The following PECAM1 variants were observed in gnomAD, a reference collection of about 807,000 sequenced individuals.
PECAM1 encodes platelet endothelial cell adhesion molecule.
In PECAM1, 8 loss-of-function variants were observed where a neutral mutation model predicts 13.8. That is an observed-to-expected ratio of 0.58 (90% CI 0.34 to 1.05). The LOEUF (loss-of-function observed/expected upper bound fraction) is 1.05, where lower values mean the gene tolerates loss of function less well. PECAM1 is among the 50% of genes least tolerant of loss of function. The pLI is 0.03. For synonymous variants in PECAM1, 136 were observed against 52.6 expected (o/e 2.58, Z -6.86); for missense variants, 304 against 141.2 (o/e 2.15, Z -5.84).
chr17:64,362,563 A>G (rs2036008131), intron 6 of PECAM1, among the ~76,000 whole-genome samples: 1 of 152,048 alleles, frequency 6.6e-6, no homozygotes, highest in Admixed American at 6.6e-5. Context: ...GAGGCAGGAG[A>G]ATGGCGTGAA....
intron 2 of PECAM1, among the ~76,000 whole-genome samples, chr17:64,381,961 G>C (rs2036491012): frequency 6.6e-6 from 1 of 152,114 alleles, no homozygotes; most frequent in Non-Finnish European, 1.5e-5. Context: ...TTAGCCGGGT[G>C]TGGTGGTGGG....
intron 2 of PECAM1, among the ~76,000 whole-genome samples, chr17:64,384,547 G>A (rs1274214513): frequency 6.6e-6 from 1 of 152,202 alleles, no homozygotes; most frequent in African/African-American, 2.4e-5. Context: ...TCATTCTGGG[G>A]AATGCCAGCA....
chr17:64,366,313 G>C (rs2036104010), intron 5 of PECAM1, among the ~76,000 whole-genome samples: 1 of 151,960 alleles, frequency 6.6e-6, no homozygotes, highest in African/African-American at 2.4e-5. Context: ...TCATTAAAAA[G>C]TCAGGAAACA....
chr17:64,377,627 A>AGGAAGGAAGGAAGGGAGGAAGGAG, intron 3 of PECAM1, 197 bp downstream of exon 3: 1 of 384,394 alleles, frequency 2.6e-6, no homozygotes, highest in Non-Finnish European at 4.6e-6. Flanking sequence ...AAAGGAAGGA[A>AGGAAGGAAGGAAGGGAGGAAGGAG]GGAAGGAAGG....
chr17:64,387,644 T>A (rs1282790364), intron 2 of PECAM1, among the ~76,000 whole-genome samples: 1 of 152,076 alleles, frequency 6.6e-6, no homozygotes, highest in East Asian at 1.9e-4. Flanking sequence ...GGTGCATGTG[T>A]CCTCCGAGGC....
intron 14 of PECAM1, among the ~76,000 whole-genome samples, chr17:64,336,917 A>T (rs2035293878): frequency 6.6e-6 from 1 of 151,902 alleles, no homozygotes; most frequent in African/African-American, 2.4e-5. Context: ...AGAGAGAAAG[A>T]TAGAAAGAAG....
At chr17:64,335,823 A>G (rs920079738) in intron 14 of PECAM1, among the ~76,000 whole-genome samples, 4 of 152,342 alleles carry the variant, frequency 2.6e-5, no homozygotes, top group African/African-American at 9.6e-5. Flanking sequence ...GCCCAACCGC[A>G]AGATAATTAG....
At chr17:64,387,294 C>T (rs1318469122) in intron 2 of PECAM1, among the ~76,000 whole-genome samples, 2 of 152,112 alleles carry the variant, frequency 1.3e-5, no homozygotes, top group African/African-American at 2.4e-5. Context: ...GAAGTGGGGC[C>T]TGAGGCCAGG....
intron 4 of PECAM1, among the ~76,000 whole-genome samples, chr17:64,373,044 G>GGAGGTTGCGGTGAGCT (rs1289715350): frequency 6.6e-6 from 1 of 151,498 alleles, no homozygotes; most frequent in African/African-American, 2.4e-5. Context: ...CCCGGGAGGC[G>GGAGGTTGCGGTGAGCT]GAGGTTGCGG....
At chr17:64,351,077 C>T (rs1334899303) in intron 11 of PECAM1, among the ~76,000 whole-genome samples, 1 of 152,004 alleles carries the variant, frequency 6.6e-6, no homozygotes, top group African/African-American at 2.4e-5. Flanking sequence ...AGGGTTACAC[C>T]ATGTTGGCCA....
chr17:64,366,159 C>T (rs1173433369), intron 5 of PECAM1, among the ~76,000 whole-genome samples: 3 of 139,302 alleles, frequency 2.2e-5, no homozygotes, highest in Non-Finnish European at 3.2e-5. Flanking sequence ...AAAAAGTGGG[C>T]GAAGGACATG....
In PECAM1 at chr17:64,323,208, A is replaced by G; in HGVS notation, c.*608T>C. ...CATTTTCTGTTTTGTGCGTTGCCTG[A>G]ATGAACGGTGTCTTCAGGTTGGTAT... On this transcript the variant is annotated 3_prime_UTR_variant, in exon 16 of 16. Coordinates refer to ENST00000563924, the MANE Select transcript of PECAM1 (RefSeq NM_000442.5). The G allele has an allele frequency of 1.0e-6, 1 of 988,340 alleles. No individual in the cohort carries two copies. Among genetic ancestry groups the G allele is most frequent in the Non-Finnish European group, 1.2e-6 (1 of 831,856 alleles). 61.2% of individuals were successfully genotyped at this position (988,340 alleles called of 1,614,324 possible).
At chr17:64,346,386 G>A (rs1326945736) in intron 13 of PECAM1, among the ~76,000 whole-genome samples, 3 of 152,140 alleles carry the variant, frequency 2.0e-5, no homozygotes, top group Admixed American at 6.5e-5. Flanking sequence ...ACCCAGGCTG[G>A]AGAGCAGTGG....
chr17:64,329,455 C>T (rs368113857), intron 15 of PECAM1, among the ~76,000 whole-genome samples: 1 of 152,138 alleles, frequency 6.6e-6, no homozygotes, highest in Admixed American at 6.6e-5. Context: ...GCTTGTTTGG[C>T]GCTAAGCACC....
At chr17:64,337,827 T>A (rs1217991928) in intron 14 of PECAM1, among the ~76,000 whole-genome samples, 1 of 151,670 alleles carries the variant, frequency 6.6e-6, no homozygotes, top group African/African-American at 2.4e-5. Flanking sequence ...CCCTTTGGCA[T>A]AAGGATTGTT....
At chr17:64,361,910 G>A (rs941742517) in intron 6 of PECAM1, among the ~76,000 whole-genome samples, 7 of 151,984 alleles carry the variant, frequency 4.6e-5, no homozygotes, top group Admixed American at 1.3e-4. Context: ...AAAATAAAAC[G>A]TTATAACACA....
intron 7 of PECAM1, among the ~76,000 whole-genome samples, chr17:64,356,798 A>C (rs2035856917): frequency 6.6e-6 from 1 of 152,024 alleles, no homozygotes; most frequent in Non-Finnish European, 1.5e-5. Flanking sequence ...GGCCACAGAC[A>C]ATCTTGACCC....
chr17:64,365,510 A>G (rs537734019), intron 5 of PECAM1, among the ~76,000 whole-genome samples: 133,704 of 148,652 alleles, frequency 0.9, 61,207 homozygotes, highest in East Asian at 1. Flanking sequence ...AGCCCGCATC[A>G]CCAAGTCAAT....
At chr17:64,345,294 A>T (rs2035535251) in intron 13 of PECAM1, among the ~76,000 whole-genome samples, 1 of 152,188 alleles carries the variant, frequency 6.6e-6, no homozygotes, top group African/African-American at 2.4e-5. Flanking sequence ...GCTTTGCTGC[A>T]GTGTGTTCCT....
Sources: allele counts gnomAD v4.1 joint callset (sites outside exome capture counted in the v4.1 genomes callset), GRCh38; gene constraint gnomAD v4.1.1; transcripts MANE v1.5; gene names NCBI Gene and HGNC (gene_info 2026-07-23, HGNC 2026-07-21).